The following PDE1C variants were observed in gnomAD, a reference collection of about 807,000 sequenced individuals.
The protein encoded by PDE1C is phosphodiesterase 1C, also known as dual specificity calcium/calmodulin-dependent 3',5'-cyclic nucleotide phosphodiesterase 1C.
In PDE1C, 62 loss-of-function variants were observed where a neutral mutation model predicts 93.1. The ratio of observed to expected loss-of-function variants is 0.67; its 90% confidence interval spans 0.54 to 0.82. The LOEUF (loss-of-function observed/expected upper bound fraction) is 0.82, where lower values mean the gene tolerates loss of function less well. Among genes scored for constraint, PDE1C ranks in the 40% least tolerant of loss-of-function variants. The probability of loss-of-function intolerance (pLI) is 0.00; values close to 1 mark genes in which losing one functional copy is unlikely to be tolerated. For missense variants in PDE1C, 742 were observed against 884.6 expected, an observed-to-expected ratio of 0.84 and a Z score of 2.04; for synonymous variants, 325 against 310.1, an observed-to-expected ratio of 1.05 and a Z score of -0.50.
chr7:31,990,218 G>C (rs1192109499), intron 2 of PDE1C, among the ~76,000 whole-genome samples: 1 of 152,192 alleles, frequency 6.6e-6, no homozygotes, highest in African/African-American at 2.4e-5. Flanking sequence ...GAGGGACCTG[G>C]TGGGAGGTAA....
At chr7:32,108,230 C>CAAAAAAAAAAAAA (rs71559210) in intron 3 of PDE1C, among the ~76,000 whole-genome samples, 3 of 77,060 alleles carry the variant, frequency 3.9e-5, no homozygotes, top group Non-Finnish European at 4.9e-5. Flanking sequence ...AAAAGCAAGA[C>CAAAAAAAAAAAAA]AAAAAAAAAA....
At chr7:32,221,673 T>C (rs1806878340) in intron 1 of PDE1C, among the ~76,000 whole-genome samples, 1 of 152,212 alleles carries the variant, frequency 6.6e-6, no homozygotes, top group African/African-American at 2.4e-5. Flanking sequence ...TGGAAAGCCA[T>C]GGATGGTTGT....
At chr7:32,252,760 T>A (rs1322835525) in intron 1 of PDE1C, among the ~76,000 whole-genome samples, 1 of 152,234 alleles carries the variant, frequency 6.6e-6, no homozygotes, top group Admixed American at 6.5e-5. Context: ...CTGACACTTT[T>A]GTGAAATACA....
chr7:31,865,139 A>G, intron 6 of PDE1C, 57 bp from the exon 7 acceptor site: 2 of 1,595,684 alleles, frequency 1.3e-6, no homozygotes, highest in East Asian at 2.2e-5. Context: ...CAATGGAGAC[A>G]CAGAAGTCTA....
At chr7:31,928,149 A>G (rs963260005) in intron 2 of PDE1C, among the ~76,000 whole-genome samples, 7 of 151,974 alleles carry the variant, frequency 4.6e-5, no homozygotes, top group Admixed American at 2.0e-4. Flanking sequence ...AGCATACACA[A>G]TATCAATGGC....
At chr7:32,185,936 A>C (rs1425199290) in intron 2 of PDE1C, among the ~76,000 whole-genome samples, 1 of 152,172 alleles carries the variant, frequency 6.6e-6, no homozygotes, top group East Asian at 1.9e-4. Context: ...GAGATTTGTT[A>C]ATTTCATTGC....
the PDE1C span, among the ~76,000 whole-genome samples, chr7:31,691,648 C>A: frequency 6.6e-6 from 1 of 151,898 alleles, no homozygotes; most frequent in Admixed American, 6.6e-5. Context: ...GGGACGGGGA[C>A]AGATTTGTTC....
intron 2 of PDE1C, among the ~76,000 whole-genome samples, chr7:31,953,368 T>G (rs528261312): frequency 4.8e-4 from 73 of 152,224 alleles, no homozygotes; most frequent in Admixed American, 2.0e-3. Flanking sequence ...GGAGGGAGGC[T>G]TTGGATTCTT....
the PDE1C span, among the ~76,000 whole-genome samples, chr7:31,629,639 G>A: frequency 6.6e-6 from 1 of 152,132 alleles, no homozygotes; most frequent in Non-Finnish European, 1.5e-5. Context: ...TCAGACCATG[G>A]GTCCATAGAG....
chr7:32,039,837 T>C (rs1791583822), intron 2 of PDE1C, among the ~76,000 whole-genome samples: 1 of 152,204 alleles, frequency 6.6e-6, no homozygotes, highest in Non-Finnish European at 1.5e-5. Context: ...GCCTCCTAGG[T>C]AACAATGTGC....
intron 17 of PDE1C, among the ~76,000 whole-genome samples, chr7:31,759,409 C>T (rs1794688731): frequency 6.6e-6 from 1 of 152,134 alleles, no homozygotes; most frequent in Non-Finnish European, 1.5e-5. Context: ...TCGTACAATC[C>T]CCGACCACTA....
At chr7:32,160,880 G>A (rs1015393962) in intron 3 of PDE1C, among the ~76,000 whole-genome samples, 1 of 151,932 alleles carries the variant, frequency 6.6e-6, no homozygotes, top group Non-Finnish European at 1.5e-5. Context: ...GAATATGATG[G>A]GAGAAAGCCC....
chr7:31,651,160 G>A, the PDE1C span: 1 of 1,613,480 alleles, frequency 6.2e-7, no homozygotes, highest in African/African-American at 1.3e-5. Context: ...CCATGAGATG[G>A]AAGCCATGAA....
chr7:32,082,037 C>T (rs573142217), intron 3 of PDE1C, among the ~76,000 whole-genome samples: 19 of 152,278 alleles, frequency 1.2e-4, no homozygotes, highest in Admixed American at 6.5e-5. Context: ...GCGCACCATG[C>T]GCGAGCCAAA....
chr7:32,382,717 C>T (rs1784556922), intron 1 of PDE1C, among the ~76,000 whole-genome samples: 1 of 152,226 alleles, frequency 6.6e-6, no homozygotes, highest in South Asian at 2.1e-4. Flanking sequence ...CATACTTCTC[C>T]TTATGGAGCC....
chr7:31,998,823 T>G (rs1416767785), intron 2 of PDE1C, among the ~76,000 whole-genome samples: 1 of 152,190 alleles, frequency 6.6e-6, no homozygotes, highest in Admixed American at 6.5e-5. Flanking sequence ...GCACATTTTC[T>G]CAAATGATGA....
At chr7:31,724,404 T>G in the PDE1C span, among the ~76,000 whole-genome samples, 1 of 152,214 alleles carries the variant, frequency 6.6e-6, no homozygotes, top group East Asian at 1.9e-4. Flanking sequence ...GCACTTCTAC[T>G]TACAAGAAAA....
the PDE1C span, among the ~76,000 whole-genome samples, chr7:31,740,885 G>A: frequency 1.3e-5 from 2 of 151,918 alleles, no homozygotes; most frequent in Non-Finnish European, 2.9e-5. Flanking sequence ...CCTGGGAAAC[G>A]TAGCAAGACC....
At chr7:31,741,583 T>C in the PDE1C span, among the ~76,000 whole-genome samples, 1 of 152,196 alleles carries the variant, frequency 6.6e-6, no homozygotes, top group Non-Finnish European at 1.5e-5. Flanking sequence ...TTTCAGTTAT[T>C]TTTACCCATT....
Sources: allele counts gnomAD v4.1 joint callset (sites outside exome capture counted in the v4.1 genomes callset), GRCh38; gene constraint gnomAD v4.1.1; transcripts MANE v1.5; gene names NCBI Gene and HGNC (gene_info 2026-07-23, HGNC 2026-07-21).